The following PPP1R13B variants were observed in gnomAD, a reference collection of about 807,000 sequenced individuals.
The protein encoded by PPP1R13B is apoptosis-stimulating of p53 protein 1.
PPP1R13B carries 44 observed loss-of-function variants against 119.8 expected under a neutral mutation model. The observed-to-expected ratio is 0.37, with a 90% confidence interval of 0.29 to 0.47. PPP1R13B has a LOEUF of 0.47. Among genes scored for constraint, PPP1R13B ranks in the 20% least tolerant of loss-of-function variants. PPP1R13B has a pLI of 0.99. For synonymous variants in PPP1R13B, 542 were observed against 561.5 expected (o/e 0.97, Z 0.49); for missense variants, 1,227 against 1,413.5 (o/e 0.87, Z 2.12).
At chr14:103,790,090 A>G (rs2085578847) in intron 2 of PPP1R13B, among the ~76,000 whole-genome samples, 1 of 151,714 alleles carries the variant, frequency 6.6e-6, no homozygotes, top group African/African-American at 2.4e-5. Flanking sequence ...TACTAAAAAT[A>G]AAAAAATTAG....
At position 103,847,560 on chromosome 14, in the gene PPP1R13B, C is replaced by T. The variant is rs974229788; in HGVS notation, c.-253G>A. On this transcript the variant is annotated 5_prime_UTR_variant, in exon 1 of 17. Coordinates refer to ENST00000202556, the MANE Select transcript of PPP1R13B (RefSeq NM_015316.3). ...CCTCAACCTCAGCCTCAGCCTCAGC[C>T]CCAGCCCGACAGCCTGCGGCCCGCC... 4.1e-6 allele frequency: 4 copies of T among 986,506 alleles called. No homozygotes were observed. Among genetic ancestry groups the T allele is most frequent in the Non-Finnish European group, 4.8e-6 (4 of 831,084 alleles). The allele number at this position is 986,506 out of a possible 1,614,324, so 61.1% of individuals were successfully genotyped here.
At chr14:103,825,999 C>T (rs2086531344) in intron 1 of PPP1R13B, among the ~76,000 whole-genome samples, 1 of 152,026 alleles carries the variant, frequency 6.6e-6, no homozygotes, top group Admixed American at 6.6e-5. Context: ...TGCCCACCAC[C>T]AGGCCTGGTT....
chr14:103,787,135 T>C (rs552510141), intron 2 of PPP1R13B, among the ~76,000 whole-genome samples: 3 of 151,954 alleles, frequency 2.0e-5, no homozygotes, highest in East Asian at 3.9e-4. Context: ...ATTGCAAAAC[T>C]AATCTTTTAC....
At chr14:103,825,857 T>C (rs2086526584) in intron 1 of PPP1R13B, among the ~76,000 whole-genome samples, 1 of 151,322 alleles carries the variant, frequency 6.6e-6, no homozygotes. Flanking sequence ...TTTTTTTTTT[T>C]TTTTTGAGAG....
chr14:103,737,382 T>C (rs1567079142), intron 15 of PPP1R13B: 1 of 224,158 alleles, frequency 4.5e-6, no homozygotes, highest in Non-Finnish European at 8.6e-6. Context: ...CTGGGCAACA[T>C]GGCGAAACAC....
At chr14:103,781,154 T>C (rs1187893347) in intron 3 of PPP1R13B, among the ~76,000 whole-genome samples, 1 of 152,166 alleles carries the variant, frequency 6.6e-6, no homozygotes, top group Admixed American at 6.6e-5. Flanking sequence ...CCTCAGGACA[T>C]TAAGGATTAT....
chr14:103,784,260 G>A (rs2085399626), intron 3 of PPP1R13B, among the ~76,000 whole-genome samples: 1 of 152,016 alleles, frequency 6.6e-6, no homozygotes. Flanking sequence ...AGAGTCCTGA[G>A]AAGGAAAGAA....
At chr14:103,824,039 CTTTT>C (rs35194586) in intron 1 of PPP1R13B, among the ~76,000 whole-genome samples, 4 of 75,110 alleles carry the variant, frequency 5.3e-5, no homozygotes, top group Non-Finnish European at 7.3e-5. Context: ...CTACCTCATC[CTTTT>C]TTTTTTTTTT....
rs754175049 is a variant in PPP1R13B, at chr14:103,746,505, A to C, written c.1018T>G (p.Ser340Ala). ...GGCCCCACAGCAGCGACCCTGCCCG[A>C]TGTGCTCAGAGGGGACTGTGGTGAT... ...TSSPQSPLST[S>A]GRVAAVGPYI... The change falls in exon 9 of 17, where the codon TCG becomes GCG. Residue 340 changes from serine (S) to alanine (A), a missense_variant. Transcript: ENST00000202556. The C allele has an allele frequency of 3.1e-6, 5 of 1,613,862 alleles. No homozygotes were observed. Among genetic ancestry groups the C allele is most frequent in the Non-Finnish European group, 4.2e-6 (5 of 1,179,806 alleles).
At chr14:103,789,379 C>G (rs892034243) in intron 2 of PPP1R13B, among the ~76,000 whole-genome samples, 8 of 151,830 alleles carry the variant, frequency 5.3e-5, no homozygotes, top group Admixed American at 5.3e-4. Flanking sequence ...CCACCACACC[C>G]AGCTATTTTT....
At chr14:103,836,996 A>T (rs117152596) in intron 1 of PPP1R13B, among the ~76,000 whole-genome samples, 250 of 152,342 alleles carry the variant, frequency 1.6e-3, no homozygotes, top group Non-Finnish European at 3.1e-3. Flanking sequence ...CAAGAATGTC[A>T]TTGGATAGAA....
chr14:103,768,036 T>C (rs756027555), intron 4 of PPP1R13B, among the ~76,000 whole-genome samples: 1 of 152,086 alleles, frequency 6.6e-6, no homozygotes, highest in Non-Finnish European at 1.5e-5. Flanking sequence ...TTATTCTGTC[T>C]ACAATTAAAA....
chr14:103,758,667 G>A (rs2084733740), intron 4 of PPP1R13B, among the ~76,000 whole-genome samples: 1 of 152,210 alleles, frequency 6.6e-6, no homozygotes, highest in African/African-American at 2.4e-5. Context: ...GAAGGAGCAT[G>A]CCTAGAGGCA....
At chr14:103,844,772 T>C (rs1348588192) in intron 1 of PPP1R13B, among the ~76,000 whole-genome samples, 1 of 152,088 alleles carries the variant, frequency 6.6e-6, no homozygotes, top group African/African-American at 2.4e-5. Context: ...ATATACTAAT[T>C]GCCAATTTTC....
intron 1 of PPP1R13B, among the ~76,000 whole-genome samples, chr14:103,828,135 G>C (rs1310771245): frequency 1.3e-5 from 2 of 152,056 alleles, no homozygotes; most frequent in African/African-American, 4.8e-5. Flanking sequence ...AGGAGGCCGA[G>C]GTGGGTGGAT....
intron 9 of PPP1R13B, among the ~76,000 whole-genome samples, chr14:103,746,146 G>A (rs934606977): frequency 1.3e-5 from 2 of 152,170 alleles, no homozygotes; most frequent in Admixed American, 1.3e-4. Flanking sequence ...GTTTTGAAAA[G>A]CCACACAGTA....
At chr14:103,812,704 C>T (rs933542558) in intron 1 of PPP1R13B, among the ~76,000 whole-genome samples, 2 of 152,186 alleles carry the variant, frequency 1.3e-5, no homozygotes, top group African/African-American at 2.4e-5. Context: ...CGTGAGCCAC[C>T]GCACCTGGCC....
chr14:103,739,057 G>T, intron 12 of PPP1R13B, 34 bp from the exon 13 acceptor site: 1 of 1,595,498 alleles, frequency 6.3e-7, no homozygotes, highest in Non-Finnish European at 8.6e-7. Flanking sequence ...CCAGTTAAAG[G>T]TGGTCCACTG....
In PPP1R13B at chr14:103,742,782, A is replaced by T. The variant is rs141431762; in HGVS notation, c.1192T>A (p.Ser398Thr). The change falls in exon 10 of 17, where the codon TCT (serine) becomes ACT (threonine). Residue 398 changes from serine to threonine, a missense_variant. Coordinates refer to ENST00000202556, the MANE Select transcript of PPP1R13B (RefSeq NM_015316.3). This position sits in a 1 kb window ranked among gnomAD's most constrained non-coding sequence, Gnocchi z 4.9. ...NWPTLKQNSSSSVKPVQVAGA... is the reference protein window; with the variant it reads ...NWPTLKQNSSTSVKPVQVAGA... ...GCCACCTGCACTGGTTTCACGGAAGAGCTAGAATTCTGTTTTAATGTTGGC... is the reference window on the plus strand; with the variant it reads ...GCCACCTGCACTGGTTTCACGGAAGTGCTAGAATTCTGTTTTAATGTTGGC... The T allele has an allele frequency of 1.2e-5, 19 of 1,614,132 alleles. No homozygotes were observed. The highest frequency in any genetic ancestry group is 1.0e-4 in the Admixed American group (6 of 60,024).
Sources: allele counts gnomAD v4.1 joint callset (sites outside exome capture counted in the v4.1 genomes callset), GRCh38; gene constraint gnomAD v4.1.1; non-coding constraint Gnocchi (gnomAD v3.1); transcripts MANE v1.5; gene names NCBI Gene and HGNC (gene_info 2026-07-23, HGNC 2026-07-21).